The following S100A3 variants were observed in gnomAD, a reference collection of about 807,000 sequenced individuals.
S100A3 encodes the protein protein S100-A3.
In S100A3, 11 loss-of-function variants were observed where a neutral mutation model predicts 8.0. The observed-to-expected ratio is 1.37, with a 90% CI of 0.86 to 2.27. S100A3 has a LOEUF of 2.27. Among genes scored for constraint, S100A3 ranks in the 30% most tolerant of loss-of-function variants. S100A3 has a pLI of 0.00. For missense variants in S100A3, 124 were observed against 127.1 expected (o/e 0.98, Z 0.12); for synonymous variants, 43 against 49.6 (o/e 0.87, Z 0.56).
At chr1:153,548,880 G>A (rs958339004) in intron 1 of S100A3, 16 of 169,530 alleles carry the variant, frequency 9.4e-5, no homozygotes, top group Non-Finnish European at 7.7e-5. Context: ...CCCATGAGAT[G>A]CCCTAGAAGC....
chr1:153,548,744 A>G (rs916852013), intron 1 of S100A3, among the ~76,000 whole-genome samples: 2 of 151,996 alleles, frequency 1.3e-5, no homozygotes, highest in Non-Finnish European at 2.9e-5. Flanking sequence ...TAAACTCCTC[A>G]GAGAGACAGC....
Position 153,547,990 on chromosome 1 carries a change from T to A in S100A3, c.142-144A>T. The A allele has an allele frequency of 1.2e-6, 1 of 811,876 alleles. No individual in the cohort carries two copies. Among genetic ancestry groups the A allele is most frequent in the Non-Finnish European group, 2.0e-6 (1 of 509,340 alleles). 50.3% of individuals were successfully genotyped at this position (811,876 alleles called of 1,614,324 possible). A position where few individuals can be genotyped will look rare whatever the true frequency, so the allele number is the denominator to read the frequency against. ...TTCTGAGGGCCGACTTCAACCTCCC[T>A]GCTCTGATAATGCACTCGTTGCAAT... On this transcript the variant is annotated intron_variant, in intron 2 of 2. Transcript: ENST00000368713. The surrounding 1 kb of genome is among the most constrained non-coding windows in gnomAD (Gnocchi z 4.0).
intron 2 of S100A3, 32 bp downstream of exon 2, chr1:153,548,310 CGGA>C: frequency 6.2e-7 from 1 of 1,611,336 alleles, no homozygotes; most frequent in Non-Finnish European, 8.5e-7. Flanking sequence ...TGCCTCCCCC[CGGA>C]GGAGGAGGGG....
chr1:153,547,911 G>A lies in S100A3; in HGVS notation c.142-65C>T, dbSNP rs1665622182. On this transcript the variant is annotated intron_variant, in intron 2 of 2. Transcript: ENST00000368713. This position sits in a 1 kb window ranked among gnomAD's most constrained non-coding sequence, Gnocchi z 4.0. ...TGAGGAGGGCAGAACAGCCTCACAC[G>A]CCACCTCCCTCCTTCCTCTCCCAAG... 17 of 1,515,530 alleles carry A rather than the reference G, an allele frequency of 1.1e-5. No homozygotes were observed. Among genetic ancestry groups the A allele is most frequent in the Admixed American group, 3.5e-5 (2 of 57,566 alleles). 93.9% of individuals were successfully genotyped at this position (1,515,530 alleles called of 1,614,324 possible). A position where few individuals can be genotyped will look rare whatever the true frequency, so the allele number is the denominator to read the frequency against.
rs950818604 is a variant in S100A3 at position 153,547,506 on chromosome 1, G to A, written c.*176C>T. 16 of 714,216 alleles carry A rather than the reference G, an allele frequency of 2.2e-5. No individual in the cohort carries two copies. The highest frequency in any genetic ancestry group is 4.1e-4 in the Middle Eastern group (1 of 2,438). 44.2% of individuals were successfully genotyped at this position (714,216 alleles called of 1,614,324 possible). A position where few individuals can be genotyped will look rare whatever the true frequency, so the allele number is the denominator to read the frequency against. On this transcript the variant is annotated 3_prime_UTR_variant, in exon 3 of 3. Coordinates refer to ENST00000368713, the MANE Select transcript of S100A3 (RefSeq NM_002960.2). The surrounding 1 kb of genome is among the most constrained non-coding windows in gnomAD (Gnocchi z 4.0). Reference sequence around the variant, plus strand: ...CCCAGAGTGGCTCTACCCCTCATTCGCTGGGCATCCTGAGGAAGGAGCCCT... The same window carrying A: ...CCCAGAGTGGCTCTACCCCTCATTCACTGGGCATCCTGAGGAAGGAGCCCT...
chr1:153,548,364 T>A lies in S100A3; in HGVS notation c.122A>T (p.Glu41Val), dbSNP rs1205541322. ...QAELKELLQKELATWTPTEFR... is the reference protein window; with the variant it reads ...QAELKELLQKVLATWTPTEFR... ...GCTCACCGGGGTCCAGGTGGCCAGC[T>A]CCTTCTGCAGCAGCTCCTTGAGCTC... Residue 41 changes from glutamate (E) to valine (V), a missense_variant, in exon 2 of 3, where the codon GAG becomes GTG. Coordinates refer to ENST00000368713, the MANE Select transcript of S100A3 (RefSeq NM_002960.2). 1.2e-6 allele frequency: 2 copies of A among 1,613,726 alleles called. No homozygotes were observed. Among genetic ancestry groups the A allele is most frequent in the African/African-American group, 1.3e-5 (1 of 74,888 alleles).
At chr1:153,548,255 C>T (rs1001097220) in intron 2 of S100A3, 90 bp downstream of exon 2, 26 of 1,542,418 alleles carry the variant, frequency 1.7e-5, no homozygotes, top group Non-Finnish European at 1.9e-5. Flanking sequence ...CTGTCCTGTG[C>T]TCATGCTTGT....
Position 153,547,815 on chromosome 1 carries a change from A to C in S100A3, c.173T>G (p.Phe58Cys). Residue 58 changes from phenylalanine to cysteine, a missense_variant, in exon 3 of 3, where the codon TTC becomes TGC. Phe to Cys is a radical substitution (Grantham distance 205). Transcript: ENST00000368713. The surrounding 1 kb of genome is among the most constrained non-coding windows in gnomAD (Gnocchi z 4.0). The part of the protein sequence containing the change: ...TEFRECDYNK[F>C]MSVLDTNKDC... ...CTTGTTGGTGTCCAGAACACTCATG[A>C]ATTTGTTGTAGTCACATTCCCGAAA... 1 of 1,613,902 alleles carries C rather than the reference A, an allele frequency of 6.2e-7. No individual in the cohort carries two copies. The highest frequency in any genetic ancestry group is 8.5e-7 in the Non-Finnish European group (1 of 1,179,902).
Position 153,549,250 on chromosome 1 carries a change from T to C in S100A3, c.-75A>G, listed in dbSNP as rs1665663747. 6.6e-6 allele frequency: 1 copy of C among 152,354 alleles called. No individual in the cohort carries two copies. Among genetic ancestry groups the C allele is most frequent in the Non-Finnish European group, 1.5e-5 (1 of 68,166 alleles). 9.4% of individuals were successfully genotyped at this position (152,354 alleles called of 1,614,324 possible). ...GTTGACCAGTTCGGGTGTTTACCAA[T>C]CTGAGACTGGCCTCCCCTGAGGTTA... is the stretch of plus-strand genomic sequence containing the variant. On this transcript the variant is annotated 5_prime_UTR_variant, in exon 1 of 3. Coordinates refer to ENST00000368713, the MANE Select transcript of S100A3 (RefSeq NM_002960.2).
intron 2 of S100A3, 101 bp downstream of exon 2, chr1:153,548,244 G>C: frequency 1.4e-6 from 2 of 1,473,320 alleles, no homozygotes; most frequent in Non-Finnish European, 9.3e-7. Context: ...CCCCTCCCTT[G>C]CTGTCCTGTG....
At chr1:153,548,726 C>T (rs1490001160) in intron 1 of S100A3, among the ~76,000 whole-genome samples, 9 of 152,148 alleles carry the variant, frequency 5.9e-5, no homozygotes, top group Admixed American at 5.9e-4. Context: ...ATTGCCCCAA[C>T]ATCGCTGTAA....
chr1:153,548,930 C>G (rs1029197053), intron 1 of S100A3: 4 of 161,436 alleles, frequency 2.5e-5, no homozygotes, highest in Admixed American at 5.7e-5. Context: ...GAGCCTGGCC[C>G]TGTGCTTCTC....
chr1:153,548,587 C>T, intron 1 of S100A3, 97 bp from the exon 2 acceptor site: 2 of 1,466,180 alleles, frequency 1.4e-6, no homozygotes, highest in Non-Finnish European at 1.8e-6. Context: ...TTCCCAGACC[C>T]ATCTTAACCT....
intron 2 of S100A3, 23 bp downstream of exon 2, chr1:153,548,322 G>A (rs1335618003): frequency 2.5e-6 from 4 of 1,612,910 alleles, no homozygotes. Flanking sequence ...GAGGAGGAGG[G>A]GACGGACACT....
At chr1:153,548,736 A>G (rs982532640) in intron 1 of S100A3, among the ~76,000 whole-genome samples, 1 of 152,012 alleles carries the variant, frequency 6.6e-6, no homozygotes, top group African/African-American at 2.4e-5. Flanking sequence ...CATCGCTGTA[A>G]ACTCCTCAGA....
intron 2 of S100A3, among the ~76,000 whole-genome samples, 162 bp from the exon 3 acceptor site, chr1:153,548,008 G>A (rs542671883): frequency 2.6e-5 from 4 of 152,096 alleles, no homozygotes; most frequent in South Asian, 4.1e-4. Flanking sequence ...TAATGCACTC[G>A]TTGCAATCCC....
rs758098196 is a variant in S100A3 at position 153,547,756 on chromosome 1, A to T, written c.232T>A (p.Ser78Thr). The T allele has an allele frequency of 9.9e-6, 16 of 1,614,072 alleles. No individual in the cohort carries two copies. Among genetic ancestry groups the T allele is most frequent in the Non-Finnish European group, 1.3e-5 (15 of 1,179,956 alleles). Residue 78 changes from serine (S) to threonine (T), a missense_variant, in exon 3 of 3, where the codon TCA becomes ACA. Ser to Thr is a moderately conservative substitution (Grantham distance 58). Coordinates refer to ENST00000368713, the MANE Select transcript of S100A3 (RefSeq NM_002960.2). The surrounding 1 kb of genome is among the most constrained non-coding windows in gnomAD (Gnocchi z 4.0). Reference sequence around the variant, plus strand: ...CAGTAGAGACAGAGGCAGGCAAGTGAGCGCACATACTCCACAAAGTCCACC... The same window carrying T: ...CAGTAGAGACAGAGGCAGGCAAGTGTGCGCACATACTCCACAAAGTCCACC... ...CEVDFVEYVR[S>T]LACLCLYCHE...
rs967486074 is a variant in S100A3 at position 153,547,766 on chromosome 1, C to A, written c.222G>T (p.Glu74Asp). The A allele has an allele frequency of 1.9e-6, 3 of 1,613,952 alleles. No homozygotes were observed. Among genetic ancestry groups the A allele is most frequent in the African/African-American group, 2.7e-5 (2 of 74,914 alleles). The change falls in exon 3 of 3, where the codon GAG (glutamate) becomes GAT (aspartate). Residue 74 changes from glutamate (E) to aspartate (D), a missense_variant. Physicochemically the swap from Glu to Asp is conservative, Grantham distance 45 (BLOSUM62 2). Transcript: ENST00000368713. This position sits in a 1 kb window ranked among gnomAD's most constrained non-coding sequence, Gnocchi z 4.0. The stretch of plus-strand genomic sequence containing the variant: ...AGAGGCAGGCAAGTGAGCGCACATA[C>A]TCCACAAAGTCCACCTCGCAGTCCT... ...TNKDCEVDFV[E>D]YVRSLACLCL...
rs1376576914 is a variant in S100A3 at position 153,547,571 on chromosome 1, C to T, written c.*111G>A. On this transcript the variant is annotated 3_prime_UTR_variant, in exon 3 of 3. Transcript: ENST00000368713. This position sits in a 1 kb window ranked among gnomAD's most constrained non-coding sequence, Gnocchi z 4.0. ...TCCTAGGTAAAATGGGTTAACTGATCGCAGAAGACCTGGGCAAGTCCAGAT... is the reference window on the plus strand; with the variant it reads ...TCCTAGGTAAAATGGGTTAACTGATTGCAGAAGACCTGGGCAAGTCCAGAT... 9.4e-6 allele frequency: 12 copies of T among 1,272,114 alleles called. No individual in the cohort carries two copies. Among genetic ancestry groups the T allele is most frequent in the East Asian group, 2.4e-5 (1 of 42,274 alleles). 78.8% of individuals were successfully genotyped at this position (1,272,114 alleles called of 1,614,324 possible).
Sources: gnomAD v4.1 joint callset for allele counts (sites outside exome capture counted in the v4.1 genomes callset) on GRCh38, gnomAD v4.1.1 for gene constraint, Gnocchi (gnomAD v3.1) non-coding constraint, MANE v1.5 for transcripts, NCBI Gene and HGNC (gene_info 2026-07-23, HGNC 2026-07-21) for gene names.